The following PHF21A variants were observed in gnomAD, a reference collection of about 807,000 sequenced individuals.
PHF21A encodes the protein BHC80a.
A neutral mutation model predicts 82.5 loss-of-function variants in PHF21A; 11 were observed. That is an observed-to-expected ratio of 0.13 (90% CI 0.08 to 0.22). The LOEUF (loss-of-function observed/expected upper bound fraction) is 0.22, where lower values mean the gene tolerates loss of function less well. Ranked by LOEUF, PHF21A falls within the 10% of genes least tolerant of loss-of-function variation. The pLI is 1.00. For synonymous variants in PHF21A, 297 were observed against 302.8 expected (o/e 0.98, Z 0.20); for missense variants, 579 against 837.8 (o/e 0.69, Z 3.81).
rs143552365 is a variant in PHF21A at position 45,934,874 on chromosome 11, G to A, written c.1789-649C>T. The A allele has an allele frequency of 4.7e-5, 17 of 360,118 alleles. No individual in the cohort carries two copies. In the East Asian group the frequency reaches 1.3e-3, roughly 27 times the overall value. The allele number at this position is 360,118 out of a possible 1,614,324, so 22.3% of individuals were successfully genotyped here. A position where few individuals can be genotyped will look rare whatever the true frequency, so the allele number is the denominator to read the frequency against. ...TTAGGCAGGGAAAGAGAGGAAAGAG[G>A]TGTTAAATCTGCATGCCATGGGTAG... On this transcript the variant is annotated intron_variant, in intron 18 of 18. Transcript: ENST00000676320.
At chr11:46,041,329 G>A (rs974799726) in intron 6 of PHF21A, among the ~76,000 whole-genome samples, 3 of 152,154 alleles carry the variant, frequency 2.0e-5, no homozygotes, top group Non-Finnish European at 4.4e-5. Context: ...TCTTATTTAG[G>A]ATGTTCAAGG....
At chr11:46,118,942 C>T (rs1852167511) in intron 1 of PHF21A, 1 of 152,060 alleles carries the variant, frequency 6.6e-6, no homozygotes, top group East Asian at 1.9e-4. Flanking sequence ...CTGAAAAGTA[C>T]GCTTACATGG....
intron 2 of PHF21A, among the ~76,000 whole-genome samples, chr11:46,091,777 G>C (rs2096927541): frequency 6.6e-6 from 1 of 152,168 alleles, no homozygotes; most frequent in Non-Finnish European, 1.5e-5. Context: ...TGGATGACTT[G>C]AATTGGCTCA....
chr11:45,957,505 T>C (rs924948248), intron 10 of PHF21A, among the ~76,000 whole-genome samples: 1 of 151,798 alleles, frequency 6.6e-6, no homozygotes, highest in Non-Finnish European at 1.5e-5. Context: ...CACAAGTGTA[T>C]GGAAATTAAA....
At chr11:46,033,904 TA>T (rs1318910280) in intron 6 of PHF21A, among the ~76,000 whole-genome samples, 3 of 152,240 alleles carry the variant, frequency 2.0e-5, no homozygotes, top group Non-Finnish European at 4.4e-5. Context: ...TGGTGGGTCA[TA>T]AAGTATACAC....
At chr11:45,995,935 A>T (rs1013226405) in intron 6 of PHF21A, among the ~76,000 whole-genome samples, 14 of 152,178 alleles carry the variant, frequency 9.2e-5, no homozygotes, top group South Asian at 2.1e-4. Context: ...GGCTTTTTTT[A>T]AAAAAATAAT....
chr11:46,088,659 T>C lies in PHF21A; in HGVS notation c.-84+1796A>G, dbSNP rs558722094. ...CAATATCACCTACTTCATAAGACTGTTGTGGTTTAAATAAGGCAAAATTAT... is the reference window on the plus strand; with the variant it reads ...CAATATCACCTACTTCATAAGACTGCTGTGGTTTAAATAAGGCAAAATTAT... On this transcript the variant is annotated intron_variant, in intron 3 of 18. Transcript: ENST00000676320. Among the ~76,000 whole-genome samples the C allele has an allele frequency of 3.9e-5, 6 of 152,318 alleles. No homozygotes were observed. In the South Asian group the frequency reaches 1.0e-3, roughly 26 times the overall value.
chr11:46,111,294 AC>A (rs2097211520), intron 1 of PHF21A, among the ~76,000 whole-genome samples: 2 of 151,344 alleles, frequency 1.3e-5, no homozygotes, highest in Non-Finnish European at 2.9e-5. Context: ...ACATGGTGAA[AC>A]CCCATCTCTA....
chr11:46,104,650 T>G (rs2097134679), intron 1 of PHF21A, among the ~76,000 whole-genome samples: 1 of 152,182 alleles, frequency 6.6e-6, no homozygotes. Flanking sequence ...CCATGAACTT[T>G]TAGTGGGACT....
At chr11:46,104,395 A>T (rs1317543684) in intron 1 of PHF21A, among the ~76,000 whole-genome samples, 1 of 152,174 alleles carries the variant, frequency 6.6e-6, no homozygotes, top group Non-Finnish European at 1.5e-5. Context: ...TGGTCTCACC[A>T]GCTGTTGAGA....
In PHF21A at chr11:45,971,101, C is replaced by T; in HGVS notation, c.612+15G>A. 3 of 1,613,524 alleles carry T rather than the reference C, an allele frequency of 1.9e-6. No homozygotes were observed. The highest frequency in any genetic ancestry group is 2.5e-6 in the Non-Finnish European group (3 of 1,179,740). ...TTCTCATGTGATCACACATGAGGAG[C>T]AGCTGCTGGCTTACCAGAGTGACTG... is the stretch of plus-strand genomic sequence containing the variant. On this transcript the variant is annotated intron_variant, in intron 8 of 18. Coordinates refer to ENST00000676320, the MANE Select transcript of PHF21A (RefSeq NM_001352027.3).
intron 6 of PHF21A, among the ~76,000 whole-genome samples, chr11:46,065,289 G>T (rs555240873): frequency 4.6e-5 from 7 of 152,126 alleles, no homozygotes; most frequent in African/African-American, 1.7e-4. Context: ...CTGTTGAAAG[G>T]CTTCTAATTA....
chr11:45,951,467 G>A (rs2092103401), intron 11 of PHF21A, among the ~76,000 whole-genome samples: 1 of 152,200 alleles, frequency 6.6e-6, no homozygotes, highest in Non-Finnish European at 1.5e-5. Flanking sequence ...ACTGAGATGG[G>A]CACCTATCCC....
intron 1 of PHF21A, chr11:46,116,922 A>AC (rs1307672602): frequency 6.5e-6 from 1 of 152,934 alleles, no homozygotes; most frequent in East Asian, 1.9e-4. Flanking sequence ...AGCCGAGATC[A>AC]CGCCGTTGCA....
chr11:45,977,389 G>A (rs1054049834), intron 7 of PHF21A, among the ~76,000 whole-genome samples: 11 of 152,030 alleles, frequency 7.2e-5, no homozygotes. Flanking sequence ...CACCCACCTC[G>A]GCCTCCCAAA....
At chr11:46,040,700 C>T (rs1344876956) in intron 6 of PHF21A, among the ~76,000 whole-genome samples, 1 of 152,144 alleles carries the variant, frequency 6.6e-6, no homozygotes, top group African/African-American at 2.4e-5. Flanking sequence ...TTACATGAAA[C>T]TGCATACTAT....
chr11:45,933,777 G>T lies in PHF21A; in HGVS notation c.*191C>A. 1 of 488,102 alleles carries T rather than the reference G, an allele frequency of 2.0e-6. No homozygotes were observed. Among genetic ancestry groups the T allele is most frequent in the Non-Finnish European group, 3.5e-6 (1 of 282,768 alleles). 30.2% of individuals were successfully genotyped at this position (488,102 alleles called of 1,614,324 possible). A position where few individuals can be genotyped will look rare whatever the true frequency, so the allele number is the denominator to read the frequency against. ...ATGTAACATGGTCCAATCTTTGCAT[G>T]TACACACAGAATAAGAAGGATCAAT... On this transcript the variant is annotated 3_prime_UTR_variant, in exon 19 of 19. Coordinates refer to ENST00000676320, the MANE Select transcript of PHF21A (RefSeq NM_001352027.3).
chr11:45,994,492 G>A (rs984573994), intron 6 of PHF21A, among the ~76,000 whole-genome samples: 9 of 152,244 alleles, frequency 5.9e-5, no homozygotes, highest in East Asian at 5.8e-4. Flanking sequence ...CCTCCTCCAC[G>A]TATCAGGCAA....
intron 6 of PHF21A, among the ~76,000 whole-genome samples, chr11:46,040,508 T>C (rs2096111444): frequency 6.6e-6 from 1 of 152,182 alleles, no homozygotes; most frequent in Admixed American, 6.5e-5. Flanking sequence ...GTAGCCCTTG[T>C]ACAATGTAAA....
Sources: allele counts gnomAD v4.1 joint callset (sites outside exome capture counted in the v4.1 genomes callset), GRCh38; gene constraint gnomAD v4.1.1; transcripts MANE v1.5; gene names NCBI Gene and HGNC (gene_info 2026-07-23, HGNC 2026-07-21).